Variants in KDM6B observed in about 807,000 individuals in gnomAD.
KDM6B encodes lysine demethylase 6B.
Under a neutral mutation model 150.4 loss-of-function variants are expected in KDM6B, and 22 were observed. The ratio of observed to expected loss-of-function variants is 0.15; its 90% CI spans 0.10 to 0.21. KDM6B has a LOEUF of 0.21. Ranked by LOEUF, KDM6B falls within the 10% of genes least tolerant of loss-of-function variation. KDM6B has a pLI of 1.00. For missense variants in KDM6B, 1,984 were observed against 2,234.3 expected, an observed-to-expected ratio of 0.89 and a Z score of 2.26; for synonymous variants, 1,148 against 921.1, an observed-to-expected ratio of 1.25 and a Z score of -4.46.
rs2078653103 is a variant in KDM6B, at chr17:7,849,734, T to TCGGCTGCCTGCTTGCTTGTC, written c.3440+8_3440+27dup. 6.2e-7 allele frequency: 1 copy of TCGGCTGCCTGCTTGCTTGTC among 1,612,040 alleles called. No homozygotes were observed. The highest frequency in any genetic ancestry group is 1.3e-5 in the African/African-American group (1 of 74,820). ...GACGTCGTGCGCGCCAGCAGGTGAG[T>TCGGCTGCCTGCTTGCTTGTC]CGGCTGCCTGCTTGCTTGTCCCGGA... On this transcript the variant is annotated splice_region_variant and intron_variant, in intron 12 of 23. Coordinates refer to ENST00000448097, the MANE Select transcript of KDM6B (RefSeq NM_001348716.2).
rs748488464 is a variant in KDM6B at position 7,847,013 on chromosome 17, C to T, written c.906C>T (p.Arg302=). The change falls in exon 10 of 24, where the codon CGC becomes CGT. Residue 302 remains arginine, a synonymous_variant. Transcript: ENST00000448097. The part of the protein sequence containing the change: ...PERKGSAPPE[R]QEQRHSLPHP... ...GCAAGGGTTCAGCACCCCCAGAGCG[C>T]CAGGTGAGCCCCTGCCTGTTGCCTT... 1.9e-6 allele frequency: 3 copies of T among 1,613,528 alleles called. No individual in the cohort carries two copies. Among genetic ancestry groups the T allele is most frequent in the East Asian group, 4.5e-5 (2 of 44,866 alleles).
rs1597820921 is a variant in KDM6B, at chr17:7,839,889, T to A, written c.-387-17T>A. The A allele has an allele frequency of 6.6e-6, 1 of 152,638 alleles. No individual in the cohort carries two copies. Among genetic ancestry groups the A allele is most frequent in the South Asian group, 2.1e-4 (1 of 4,826 alleles). The allele number at this position is 152,638 out of a possible 1,614,324, so 9.5% of individuals were successfully genotyped here. A position where few individuals can be genotyped will look rare whatever the true frequency, so the allele number is the denominator to read the frequency against. On this transcript the variant is annotated splice_polypyrimidine_tract_variant and intron_variant, in intron 1 of 23. Transcript: ENST00000448097. ...ATCCTGGAAGACCCCCACCTCTAAC[T>A]GACTTTTTTCTTTTAGGTTCCCCCC... is the stretch of plus-strand genomic sequence containing the variant.
Position 7,848,478 on chromosome 17 carries a change from A to G in KDM6B, c.2190A>G (p.Ala730=). The change falls in exon 12 of 24, where the codon GCA becomes GCG. Residue 730 remains alanine (A), a synonymous_variant. Transcript: ENST00000448097. The part of the protein sequence containing the change: ...APQPPLKEPF[A]SLQSPFPTDT... ...AACCCCCGCTGAAGGAGCCCTTTGC[A>G]TCTCTGCAGTCTCCTTTCCCCACCG... 1 of 1,608,576 alleles carries G rather than the reference A, an allele frequency of 6.2e-7. No individual in the cohort carries two copies. The highest frequency in any genetic ancestry group is 8.5e-7 in the Non-Finnish European group (1 of 1,179,190).
At chr17:7,834,877 A>G (rs1403534176) in intron 1 of KDM6B, among the ~76,000 whole-genome samples, 1 of 140,028 alleles carries the variant, frequency 7.1e-6, no homozygotes, top group Admixed American at 7.1e-5. Flanking sequence ...TCTTCCCACC[A>G]CCCCCCTGCG....
chr17:7,852,776 A>C lies in KDM6B; in HGVS notation c.4610+140A>C, dbSNP rs1163015483. 4 of 1,346,370 alleles carry C rather than the reference A, an allele frequency of 3.0e-6. No individual in the cohort carries two copies. In the African/African-American group the frequency reaches 4.3e-5, roughly 15 times the overall value. The allele number at this position is 1,346,370 out of a possible 1,614,324, so 83.4% of individuals were successfully genotyped here. On this transcript the variant is annotated intron_variant, in intron 21 of 23. Coordinates refer to ENST00000448097, the MANE Select transcript of KDM6B (RefSeq NM_001348716.2). Reference sequence around the variant, plus strand: ...GAGTGTTACTGTGTTGGGGAGGCTAACTAGGTCCTTGCTGTCATGACCTTT... The same window carrying C: ...GAGTGTTACTGTGTTGGGGAGGCTACCTAGGTCCTTGCTGTCATGACCTTT...
rs1210766701 is a variant in KDM6B at position 7,853,051 on chromosome 17, G to A, written c.4662G>A (p.Leu1554=). 1.9e-6 allele frequency: 3 copies of A among 1,614,112 alleles called. No homozygotes were observed. In the Admixed American group the frequency reaches 5.0e-5, roughly 27 times the overall value. Reference sequence around the variant, plus strand: ...ACTGCCAGGTGCAACGCGAGAGCCTGGTGCGGGCAGGGAAGAAAATCGCTT... The same window carrying A: ...ACTGCCAGGTGCAACGCGAGAGCCTAGTGCGGGCAGGGAAGAAAATCGCTT... The part of the protein sequence containing the change: ...MKHCQVQRES[L]VRAGKKIAYQ... The change falls in exon 22 of 24, where the codon CTG becomes CTA. Residue 1554 remains leucine, a synonymous_variant. Transcript: ENST00000448097.
In KDM6B at chr17:7,834,363, C is replaced by T. The variant is rs1489302937; in HGVS notation, c.-388+13C>T. ...CCCCCAGAACCAGGTAACGGGGAGCCGCGAGGACGTCTGTAAAGAGGGAAA... is the reference window on the plus strand; with the variant it reads ...CCCCCAGAACCAGGTAACGGGGAGCTGCGAGGACGTCTGTAAAGAGGGAAA... On this transcript the variant is annotated intron_variant, in intron 1 of 23. Transcript: ENST00000448097. Among the ~76,000 whole-genome samples the T allele has an allele frequency of 6.6e-6, 1 of 152,024 alleles. No individual in the cohort carries two copies. The highest frequency in any genetic ancestry group is 2.4e-5 in the African/African-American group (1 of 41,428).
chr17:7,845,287 C>G (rs974896227), intron 3 of KDM6B, 27 bp from the exon 4 acceptor site: 2 of 585,492 alleles, frequency 3.4e-6, no homozygotes, highest in Admixed American at 2.9e-5. Context: ...CTGGCCAGCT[C>G]GTCTCACTCC....
rs1373027338 is a variant in KDM6B at position 7,851,933 on chromosome 17, C to G, written c.4166-18C>G. The G allele has an allele frequency of 6.2e-7, 1 of 1,612,288 alleles. No individual in the cohort carries two copies. The highest frequency in any genetic ancestry group is 2.2e-5 in the East Asian group (1 of 44,874). ...TTCCGACCTGGCCAGCCATGCCGTT[C>G]TCTGTCGACCCCTGCAGGCCACCAG... On this transcript the variant is annotated intron_variant, in intron 18 of 23. Coordinates refer to ENST00000448097, the MANE Select transcript of KDM6B (RefSeq NM_001348716.2).
At position 7,846,876 on chromosome 17, in the gene KDM6B, C is replaced by CCACCAT. The variant is rs1323338434; in HGVS notation, c.774_775insTCACCA (p.Pro258_Pro259insSerPro). ...ACCACCATTACCACCACCACCACCA[C>CCACCAT]CACCACCACCACCACCACCACCCCT... On this transcript the variant is annotated inframe_insertion, in exon 10 of 24. Coordinates refer to ENST00000448097, the MANE Select transcript of KDM6B (RefSeq NM_001348716.2). 6.3e-7 allele frequency: 1 copy of CCACCAT among 1,577,286 alleles called. No homozygotes were observed. The highest frequency in any genetic ancestry group is 1.7e-5 in the Admixed American group (1 of 58,050).
chr17:7,847,969 C>T lies in KDM6B; in HGVS notation c.1681C>T (p.His561Tyr). Reference protein sequence around the residue: ...TSSSNSNSGSHSSSPAGPVSF... With the variant: ...TSSSNSNSGSYSSSPAGPVSF... ...CAGTAGCAACAGCAACAGTGGCAGC[C>T]ACAGCAGCAGCCCTGCTGGGCCTGT... The change falls in exon 12 of 24, where the codon CAC becomes TAC. Residue 561 changes from histidine to tyrosine, a missense_variant. By Grantham distance (83) the His-to-Tyr change is moderately conservative. Around this residue, in one of 13 missense-constraint regions of KDM6B, gnomAD observed 1,379 missense variants for 1,275.6 expected, o/e 1.08. Coordinates refer to ENST00000448097, the MANE Select transcript of KDM6B (RefSeq NM_001348716.2). The T allele has an allele frequency of 1.9e-6, 3 of 1,611,984 alleles. No homozygotes were observed. Among genetic ancestry groups the T allele is most frequent in the Non-Finnish European group, 2.5e-6 (3 of 1,179,328 alleles).
chr17:7,846,179 T>C lies in KDM6B; in HGVS notation c.338T>C (p.Leu113Pro). 1.2e-6 allele frequency: 2 copies of C among 1,614,054 alleles called. No homozygotes were observed. Among genetic ancestry groups the C allele is most frequent in the Non-Finnish European group, 1.7e-6 (2 of 1,180,002 alleles). Residue 113 changes from leucine (L) to proline (P), a missense_variant, in exon 7 of 24, where the codon CTT becomes CCT. Leu to Pro is a moderately conservative substitution (Grantham distance 98, BLOSUM62 -3). Around this residue, in one of 13 missense-constraint regions of KDM6B, gnomAD observed 337 missense variants for 323.9 expected, o/e 1.04. Transcript: ENST00000448097. ...GCCCAGCCAGGGCTTTGGGAACAGC[T>C]TGGGCAACTGTACGAGTCAGAGCAC... ...EPAQPGLWEQ[L>P]GQLYESEHDS...
At position 7,853,381 on chromosome 17, in the gene KDM6B, G is replaced by C; in HGVS notation, c.4908+1G>C. On this transcript the variant is annotated splice_donor_variant, in intron 23 of 23. Transcript: ENST00000448097. LOFTEE classifies it high-confidence loss of function. ...TCAGGCCTACGACGCCTTCACGCTGGTGAGGGCCCGGCGGGCGCGCGGGCA... is the reference window on the plus strand; with the variant it reads ...TCAGGCCTACGACGCCTTCACGCTGCTGAGGGCCCGGCGGGCGCGCGGGCA... 6.5e-7 allele frequency: 1 copy of C among 1,544,508 alleles called. No individual in the cohort carries two copies. Among genetic ancestry groups the C allele is most frequent in the Non-Finnish European group, 8.7e-7 (1 of 1,149,290 alleles).
intron 14 of KDM6B, 37 bp downstream of exon 14, chr17:7,850,214 C>T (rs1329103164): frequency 2.6e-6 from 4 of 1,555,010 alleles, no homozygotes; most frequent in African/African-American, 2.7e-5. Flanking sequence ...GGGAGGGCTA[C>T]AAGGGTCTGG....
rs951666313 is a variant in KDM6B at position 7,843,512 on chromosome 17, C to T, written c.-268-1389C>T. On this transcript the variant is annotated intron_variant, in intron 2 of 23. Transcript: ENST00000448097. This position sits in a 1 kb window ranked among gnomAD's most constrained non-coding sequence, Gnocchi z 4.5. ...ATGCAAACAAACGACCTTGCCCCTT[C>T]GGGAAGGAAGGCTCTTTTCACCAGA... Among the ~76,000 whole-genome samples the T allele has an allele frequency of 3.9e-5, 6 of 152,202 alleles. No homozygotes were observed. The highest frequency in any genetic ancestry group is 5.9e-5 in the Non-Finnish European group (4 of 68,036).
chr17:7,852,476 G>A lies in KDM6B; in HGVS notation c.4469-19G>A. The A allele has an allele frequency of 6.2e-7, 1 of 1,605,812 alleles. No individual in the cohort carries two copies. ...GGGGGCTGTTTGAGAGTCCTGTTGT[G>A]ATCGCCTTTGGCCCGCAGCCTATCA... On this transcript the variant is annotated intron_variant, in intron 20 of 23. Transcript: ENST00000448097.
rs1211141003 is a variant in KDM6B, at chr17:7,847,165, C to T, written c.970C>T (p.Pro324Ser). ...PYPAPAYTAHPPGHRLVPAAP... is the reference protein window; with the variant it reads ...PYPAPAYTAHSPGHRLVPAAP... Reference sequence around the variant, plus strand: ...CCCAGCTCCAGCGTACACCGCGCACCCCCCTGGCCACCGGCTGGTCCCGGC... The same window carrying T: ...CCCAGCTCCAGCGTACACCGCGCACTCCCCTGGCCACCGGCTGGTCCCGGC... The change falls in exon 11 of 24, where the codon CCC (proline) becomes TCC (serine). Residue 324 changes from proline to serine, a missense_variant. Transcript: ENST00000448097. 1.2e-6 allele frequency: 2 copies of T among 1,606,544 alleles called. No individual in the cohort carries two copies. Among genetic ancestry groups the T allele is most frequent in the African/African-American group, 1.3e-5 (1 of 75,010 alleles).
chr17:7,846,327 AT>A, intron 7 of KDM6B, 30 bp downstream of exon 7: 1 of 1,593,194 alleles, frequency 6.3e-7, no homozygotes, highest in Non-Finnish European at 8.5e-7. Context: ...GGGGGACGGG[AT>A]TGTACGATTG....
At chr17:7,850,960 T>A in intron 14 of KDM6B, 61 bp from the exon 15 acceptor site, 1 of 1,431,808 alleles carries the variant, frequency 7.0e-7, no homozygotes, top group Non-Finnish European at 9.6e-7. Context: ...AAGGGTCGAT[T>A]GGGTCCTCGG....
Sources: allele counts gnomAD v4.1 joint callset (sites outside exome capture counted in the v4.1 genomes callset), GRCh38; gene constraint gnomAD v4.1.1; regional missense constraint gnomAD v4.1.1; non-coding constraint Gnocchi (gnomAD v3.1); transcripts MANE v1.5; gene names NCBI Gene and HGNC (gene_info 2026-07-23, HGNC 2026-07-21).